POLA1: variants seen among roughly 807,000 people sequenced by gnomAD.
POLA1 encodes DNA polymerase alpha 1, catalytic subunit.
Under a neutral mutation model 124.0 loss-of-function variants are expected in POLA1, and 15 were observed. The ratio of observed to expected loss-of-function variants is 0.12; its 90% CI spans 0.08 to 0.19. The LOEUF is 0.19. POLA1 is among the 10% of genes least tolerant of loss of function. The pLI, the probability that POLA1 is intolerant of heterozygous loss-of-function variation, is 1.00. For synonymous variants in POLA1, 408 were observed against 389.4 expected, an observed-to-expected ratio of 1.05 and a Z score of -0.56; for missense variants, 886 against 1,103.4, an observed-to-expected ratio of 0.80 and a Z score of 2.79.
chrX:24,750,192 C>T (rs1252745619), intron 26 of POLA1, among the ~76,000 whole-genome samples: 2 of 112,308 alleles, frequency 1.8e-5, no homozygotes, highest in Non-Finnish European at 3.8e-5. Flanking sequence ...CTCACATGGC[C>T]CGCAAAGCCT....
At chrX:24,768,186 G>C (rs187203891) in intron 26 of POLA1, among the ~76,000 whole-genome samples, 24 of 112,300 alleles carry the variant, frequency 2.1e-4, no homozygotes, top group Non-Finnish European at 3.8e-4. Context: ...GTTAGCATTT[G>C]CTGCCACTTT....
intron 26 of POLA1, among the ~76,000 whole-genome samples, chrX:24,765,987 T>A: frequency 8.9e-6 from 1 of 112,384 alleles, no homozygotes; most frequent in Non-Finnish European, 1.9e-5. Flanking sequence ...TCACTCAACA[T>A]TATATTTTTG....
At chrX:24,815,500 G>A (rs1476732031) in intron 30 of POLA1, among the ~76,000 whole-genome samples, 1 of 111,218 alleles carries the variant, frequency 9.0e-6, no homozygotes, top group African/African-American at 3.3e-5. Context: ...AGCTTATTGT[G>A]TGCATGTGTG....
chrX:24,957,411 G>A (rs901579610), intron 36 of POLA1, among the ~76,000 whole-genome samples: 2 of 110,984 alleles, frequency 1.8e-5, no homozygotes, highest in African/African-American at 6.6e-5. Context: ...AAATGTGGCA[G>A]TATCTAGTAA....
intron 26 of POLA1, among the ~76,000 whole-genome samples, chrX:24,774,723 A>G (rs966933313): frequency 2.7e-5 from 3 of 112,680 alleles, no homozygotes; most frequent in Admixed American, 9.4e-5. Flanking sequence ...AAAGTTAGAA[A>G]GCTGAATTGG....
chrX:24,825,341 C>A (rs902798005), intron 31 of POLA1, among the ~76,000 whole-genome samples: 1 of 111,959 alleles, frequency 8.9e-6, no homozygotes, highest in African/African-American at 3.3e-5. Flanking sequence ...AGGAGCCTAG[C>A]CAGAAAAAGA....
intron 36 of POLA1, 130 bp from the exon 37 acceptor site, chrX:24,995,675 G>T: frequency 3.5e-6 from 2 of 564,219 alleles, no homozygotes; most frequent in Non-Finnish European, 5.7e-6. Flanking sequence ...CATCTGACTG[G>T]CCCCAGGGGT....
rs780280477 is a variant in POLA1 at position 24,826,500 on chromosome X, T to C, written c.3635T>C (p.Ile1212Thr). The C allele has an allele frequency of 7.5e-6, 9 of 1,203,065 alleles. No individual in the cohort carries two copies. The African/African-American group carries it at 1.1e-4, about 14-fold the overall frequency. ...EQLQKQDNLTIDTQYYLAQQI... is the reference protein window; with the variant it reads ...EQLQKQDNLTTDTQYYLAQQI... ...CTGCAGAAACAGGATAATCTAACCA[T>C]TGACACCCAGTACTACCTGGCCCAG... Residue 1212 changes from isoleucine to threonine, a missense_variant, in exon 32 of 37, where the codon ATT becomes ACT. Physicochemically the swap from Ile to Thr is moderately conservative, Grantham distance 89. Transcript: ENST00000379068.
intron 29 of POLA1, among the ~76,000 whole-genome samples, chrX:24,814,151 C>G (rs1286521802): frequency 8.9e-6 from 1 of 112,161 alleles, no homozygotes; most frequent in Non-Finnish European, 1.9e-5. Context: ...TTTGTATGGA[C>G]TGTGGATTAG....
intron 31 of POLA1, among the ~76,000 whole-genome samples, chrX:24,824,480 T>G (rs1448805821): frequency 1.0e-5 from 1 of 96,410 alleles, no homozygotes. Context: ...TTTTTTTTTT[T>G]GGTCAAAAAA....
intron 36 of POLA1, among the ~76,000 whole-genome samples, chrX:24,986,766 A>G (rs1397458979): frequency 9.1e-6 from 1 of 110,412 alleles, no homozygotes; most frequent in Non-Finnish European, 1.9e-5. Flanking sequence ...ATGTTTATAT[A>G]TAGTCACTTT....
chrX:24,782,195 A>C (rs749521568), intron 26 of POLA1, among the ~76,000 whole-genome samples: 1 of 111,997 alleles, frequency 8.9e-6, no homozygotes, highest in East Asian at 2.8e-4. Flanking sequence ...TTTTCTCTTT[A>C]TAGACAACCC....
chrX:24,867,276 A>G (rs1364712199), intron 34 of POLA1, among the ~76,000 whole-genome samples: 1 of 111,116 alleles, frequency 9.0e-6, no homozygotes, highest in Admixed American at 9.5e-5. Context: ...TCTGTTTTCT[A>G]TGAATGATAG....
At chrX:24,786,658 A>G (rs1375123333) in intron 26 of POLA1, among the ~76,000 whole-genome samples, 2 of 97,535 alleles carry the variant, frequency 2.1e-5, no homozygotes, top group African/African-American at 7.7e-5. Context: ...GTGGGTGTGC[A>G]TCATCATCAT....
At chrX:24,951,527 G>A (rs775214145) in intron 36 of POLA1, among the ~76,000 whole-genome samples, 6 of 109,896 alleles carry the variant, frequency 5.5e-5, no homozygotes, top group African/African-American at 1.7e-4. Flanking sequence ...AAATACTGGT[G>A]TGTTTACCTG....
In POLA1 at chrX:24,821,698, G is replaced by A. The variant is rs778331955; in HGVS notation, c.3561+115G>A. On this transcript the variant is annotated intron_variant, in intron 31 of 36. Transcript: ENST00000379068. ...CCAATAATTGATGTTGTAAAGTCTG[G>A]TTAGTTTCATAGCATTTAAAAAACA... The A allele has an allele frequency of 7.6e-5, 41 of 536,347 alleles. No homozygotes were observed. The African/African-American group carries it at 7.8e-4, about 10-fold the overall frequency. 44.2% of individuals were successfully genotyped at this position (536,347 alleles called of 1,213,427 possible).
intron 36 of POLA1, among the ~76,000 whole-genome samples, chrX:24,936,088 C>T (rs1017575999): frequency 8.9e-6 from 1 of 112,288 alleles, no homozygotes; most frequent in African/African-American, 3.2e-5. Flanking sequence ...GTTCTGTGTT[C>T]CCCATCAGCT....
At chrX:24,774,426 T>TA (rs1208731281) in intron 26 of POLA1, among the ~76,000 whole-genome samples, 2 of 112,116 alleles carry the variant, frequency 1.8e-5, no homozygotes, top group African/African-American at 6.5e-5. Flanking sequence ...AATTGTATTT[T>TA]AAAAAAACAA....
At chrX:24,733,130 G>A (rs1391864067) in intron 16 of POLA1, among the ~76,000 whole-genome samples, 1 of 111,996 alleles carries the variant, frequency 8.9e-6, no homozygotes, top group Admixed American at 9.5e-5. Context: ...CGAGCCTCTC[G>A]TCTGGTTTTC....
Sources: gnomAD v4.1 joint callset for allele counts (sites outside exome capture counted in the v4.1 genomes callset) on GRCh38, gnomAD v4.1.1 for gene constraint, MANE v1.5 for transcripts, NCBI Gene and HGNC (gene_info 2026-07-23, HGNC 2026-07-21) for gene names.